Variants in SLC35F4 observed in about 807,000 individuals in gnomAD.
SLC35F4 encodes the protein solute carrier family 35 member F4.
A neutral mutation model predicts 44.2 loss-of-function variants in SLC35F4; 24 were observed. The observed-to-expected ratio is 0.54, with a 90% CI of 0.39 to 0.76. The LOEUF (loss-of-function observed/expected upper bound fraction) is 0.76, where lower values mean the gene tolerates loss of function less well. Ranked by LOEUF, SLC35F4 falls within the 30% of genes least tolerant of loss-of-function variation. The probability of loss-of-function intolerance (pLI) is 0.00; values close to 1 mark genes in which losing one functional copy is unlikely to be tolerated. For missense variants in SLC35F4, 562 were observed against 586.1 expected (o/e 0.96, Z 0.42); for synonymous variants, 238 against 223.6 (o/e 1.06, Z -0.57).
intron 1 of SLC35F4, among the ~76,000 whole-genome samples, chr14:57,971,452 T>C (rs564965322): frequency 3.3e-5 from 5 of 152,296 alleles, no homozygotes; most frequent in Admixed American, 6.5e-5. Context: ...AGGTGGATTC[T>C]CCCCCTATCG....
chr14:57,629,360 T>G (rs2072648808), intron 1 of SLC35F4, among the ~76,000 whole-genome samples: 1 of 152,030 alleles, frequency 6.6e-6, no homozygotes, highest in Non-Finnish European at 1.5e-5. Context: ...AAAGGAGAAA[T>G]AAACACTGTT....
chr14:57,921,227 G>T (rs1393176903), intron 1 of SLC35F4, among the ~76,000 whole-genome samples: 1 of 152,178 alleles, frequency 6.6e-6, no homozygotes, highest in Non-Finnish European at 1.5e-5. Flanking sequence ...AGTTGAGCTG[G>T]CTATTGTCTA....
intron 3 of SLC35F4, among the ~76,000 whole-genome samples, chr14:57,585,323 G>C (rs1280694854): frequency 6.6e-6 from 1 of 152,108 alleles, no homozygotes. Context: ...AACTAGGTAT[G>C]GATGGAACGT....
At chr14:57,763,408 A>T (rs1169898256) in intron 1 of SLC35F4, among the ~76,000 whole-genome samples, 2 of 152,202 alleles carry the variant, frequency 1.3e-5, no homozygotes, top group East Asian at 3.8e-4. Flanking sequence ...AAGAATATCA[A>T]ATATTCAGAG....
At chr14:57,669,531 T>C (rs1255280196) in intron 1 of SLC35F4, among the ~76,000 whole-genome samples, 3 of 152,144 alleles carry the variant, frequency 2.0e-5, no homozygotes, top group African/African-American at 7.3e-5. Flanking sequence ...TTGAGATTTT[T>C]TAGCATGAAG....
At chr14:57,873,202 A>G (rs1346085297) in intron 1 of SLC35F4, among the ~76,000 whole-genome samples, 1 of 152,162 alleles carries the variant, frequency 6.6e-6, no homozygotes, top group Non-Finnish European at 1.5e-5. Context: ...GCTACCCCAT[A>G]GCATTATCCC....
chr14:57,612,872 G>A (rs2071595666), intron 1 of SLC35F4, among the ~76,000 whole-genome samples: 1 of 152,084 alleles, frequency 6.6e-6, no homozygotes, highest in Non-Finnish European at 1.5e-5. Context: ...AGAATGTTGG[G>A]CACACACTAA....
rs910333137 is a variant in SLC35F4 at position 57,836,859 on chromosome 14, A to G, written c.103+28864T>C. On this transcript the variant is annotated intron_variant, in intron 1 of 7. Transcript: ENST00000556826. ...TTTGTATCTGTAAAGGATAATGACT[A>G]TAACGCCATCATCACACCTAAAAAA... Among the ~76,000 whole-genome samples, 43 of 152,340 alleles carry G rather than the reference A, an allele frequency of 2.8e-4. No individual in the cohort carries two copies. In the East Asian group the frequency reaches 4.6e-3, roughly 16 times the overall value.
chr14:57,662,611 G>A (rs866794306), intron 1 of SLC35F4, among the ~76,000 whole-genome samples: 2 of 152,148 alleles, frequency 1.3e-5, no homozygotes, highest in South Asian at 2.1e-4. Flanking sequence ...ATCAGAGACA[G>A]CTGCCAGATC....
intron 1 of SLC35F4, among the ~76,000 whole-genome samples, chr14:57,702,540 T>C (rs17804023): frequency 0.38 from 57,387 of 151,978 alleles, 11,001 homozygotes; most frequent in Middle Eastern, 0.45. Flanking sequence ...TATCTCATTC[T>C]ACAAACTGGT....
chr14:57,839,300 A>G (rs954933755), intron 1 of SLC35F4, among the ~76,000 whole-genome samples: 11 of 152,190 alleles, frequency 7.2e-5, no homozygotes, highest in African/African-American at 2.7e-4. Flanking sequence ...TCTTTATGTA[A>G]TATTGATGGC....
intron 1 of SLC35F4, among the ~76,000 whole-genome samples, chr14:57,665,254 C>G (rs1247136741): frequency 1.3e-5 from 2 of 152,050 alleles, no homozygotes; most frequent in East Asian, 3.9e-4. Flanking sequence ...GACAGCTTAC[C>G]CAGACTCCGC....
chr14:57,629,934 T>C, intron 1 of SLC35F4: 1 of 493,488 alleles, frequency 2.0e-6, no homozygotes, highest in East Asian at 5.4e-5. Context: ...TGAACACATC[T>C]CTCTTCTTCA....
At chr14:57,651,951 G>A (rs1187046066) in intron 1 of SLC35F4, among the ~76,000 whole-genome samples, 2 of 152,132 alleles carry the variant, frequency 1.3e-5, no homozygotes, top group Non-Finnish European at 2.9e-5. Flanking sequence ...GCTTCAGTGG[G>A]TAAAGCCAGC....
chr14:57,611,429 G>C (rs907819696), intron 1 of SLC35F4, among the ~76,000 whole-genome samples: 8 of 152,064 alleles, frequency 5.3e-5, no homozygotes, highest in Admixed American at 5.2e-4. Flanking sequence ...TGAGTATAGA[G>C]AAGATGCCCA....
intron 1 of SLC35F4, among the ~76,000 whole-genome samples, chr14:57,818,968 T>C (rs1882888604): frequency 6.6e-6 from 1 of 152,158 alleles, no homozygotes; most frequent in Non-Finnish European, 1.5e-5. Context: ...CCCTTTAAAT[T>C]CGGTTTCAAG....
At chr14:57,610,695 G>A (rs957090276) in intron 1 of SLC35F4, among the ~76,000 whole-genome samples, 5 of 152,178 alleles carry the variant, frequency 3.3e-5, no homozygotes, top group Non-Finnish European at 7.4e-5. Flanking sequence ...GCCTGGCACA[G>A]AAAACCTGGG....
intron 1 of SLC35F4, among the ~76,000 whole-genome samples, chr14:57,807,397 C>T (rs1482529419): frequency 1.3e-4 from 20 of 151,924 alleles, no homozygotes; most frequent in Admixed American, 6.5e-5. Flanking sequence ...GAGCCAAAGC[C>T]GTTGCCTCCC....
intron 1 of SLC35F4, among the ~76,000 whole-genome samples, chr14:57,819,072 T>C (rs953876554): frequency 6.6e-6 from 1 of 152,082 alleles, no homozygotes; most frequent in Non-Finnish European, 1.5e-5. Flanking sequence ...GGAATAAGAA[T>C]TAGAAGAGAC....
Sources: allele counts gnomAD v4.1 joint callset (sites outside exome capture counted in the v4.1 genomes callset), GRCh38; gene constraint gnomAD v4.1.1; transcripts MANE v1.5; gene names NCBI Gene and HGNC (gene_info 2026-07-23, HGNC 2026-07-21).